Variants in ARHGAP6 observed in about 807,000 individuals in gnomAD.
The protein encoded by ARHGAP6 is rho GTPase-activating protein 6.
In ARHGAP6, 16 loss-of-function variants were observed where a neutral mutation model predicts 55.7. That is an observed-to-expected ratio of 0.29 (90% CI 0.19 to 0.44). ARHGAP6 has a LOEUF of 0.44. Ranked by LOEUF, ARHGAP6 falls within the 20% of genes least tolerant of loss-of-function variation. The pLI is 1.00. For missense variants in ARHGAP6, 698 were observed against 808.9 expected, an observed-to-expected ratio of 0.86 and a Z score of 1.66; for synonymous variants, 382 against 360.9, an observed-to-expected ratio of 1.06 and a Z score of -0.66.
At chrX:11,233,436 G>T (rs1009671554) in intron 2 of ARHGAP6, among the ~76,000 whole-genome samples, 1 of 110,638 alleles carries the variant, frequency 9.0e-6, no homozygotes, top group Non-Finnish European at 1.9e-5. Context: ...CTTCCATCTA[G>T]TATAAAGATA....
chrX:11,291,470 C>T (rs149923681), intron 1 of ARHGAP6, among the ~76,000 whole-genome samples: 629 of 111,055 alleles, frequency 5.7e-3, no homozygotes, highest in Non-Finnish European at 8.2e-3. Context: ...TCTAAAACTA[C>T]AAGGCTACTA....
intron 1 of ARHGAP6, among the ~76,000 whole-genome samples, chrX:11,295,055 G>A (rs750679679): frequency 1.2e-4 from 13 of 111,877 alleles, no homozygotes; most frequent in Middle Eastern, 4.2e-3. Context: ...CAGCTGGGGC[G>A]GGGCCCAGGA....
At chrX:11,377,019 C>T (rs1373583383) in intron 1 of ARHGAP6, among the ~76,000 whole-genome samples, 1 of 111,904 alleles carries the variant, frequency 8.9e-6, no homozygotes, top group Non-Finnish European at 1.9e-5. Context: ...AAGTAATTTG[C>T]CTGGTTCAAT....
At chrX:11,393,797 G>C (rs1350659815) in intron 1 of ARHGAP6, among the ~76,000 whole-genome samples, 2 of 111,512 alleles carry the variant, frequency 1.8e-5, no homozygotes, top group Non-Finnish European at 3.8e-5. Flanking sequence ...CCCAGAGCCT[G>C]AATTCTTATC....
rs1012515988 is a variant in ARHGAP6, at chrX:11,623,001, G to A, written c.588+41240C>T. On this transcript the variant is annotated intron_variant, in intron 1 of 12. Transcript: ENST00000337414. The stretch of plus-strand genomic sequence containing the variant: ...ATAAAATTGCAAAAGATGAGATCTG[G>A]AAAAAGAAGGATGCCCACTTTCACC... Among the ~76,000 whole-genome samples, 3 of 111,575 alleles carry A rather than the reference G, an allele frequency of 2.7e-5. No homozygotes were observed. The Admixed American group carries it at 2.9e-4, about 11-fold the overall frequency.
intron 1 of ARHGAP6, among the ~76,000 whole-genome samples, chrX:11,306,674 TAAAC>T (rs2048241549): frequency 8.9e-6 from 1 of 112,488 alleles, no homozygotes; most frequent in Non-Finnish European, 1.9e-5. Context: ...ATTTGAAAGA[TAAAC>T]TAATTCGTCA....
chrX:11,443,051 CT>C (rs1174906578), intron 1 of ARHGAP6, among the ~76,000 whole-genome samples: 1 of 111,926 alleles, frequency 8.9e-6, no homozygotes, highest in Non-Finnish European at 1.9e-5. Context: ...AGTGAACCCC[CT>C]GTATAACGAC....
At chrX:11,377,076 G>A in intron 1 of ARHGAP6, among the ~76,000 whole-genome samples, 1 of 111,954 alleles carries the variant, frequency 8.9e-6, no homozygotes, top group East Asian at 2.8e-4. Context: ...TCCAGTGTGA[G>A]TCCCATACCT....
At chrX:11,311,056 T>G (rs1262096829) in intron 1 of ARHGAP6, among the ~76,000 whole-genome samples, 1 of 111,932 alleles carries the variant, frequency 8.9e-6, no homozygotes, top group Non-Finnish European at 1.9e-5. Context: ...CTCTGCCTTT[T>G]TCGCAGGGAA....
At chrX:11,339,001 C>T (rs755217128) in intron 1 of ARHGAP6, among the ~76,000 whole-genome samples, 1 of 112,161 alleles carries the variant, frequency 8.9e-6, no homozygotes, top group African/African-American at 3.2e-5. Context: ...AGGCCAACAT[C>T]TCTTAGTCAA....
intron 1 of ARHGAP6, among the ~76,000 whole-genome samples, chrX:11,289,651 G>T (rs369162387): frequency 9.0e-6 from 1 of 111,690 alleles, no homozygotes; most frequent in South Asian, 3.7e-4. Context: ...TGCCATAATC[G>T]ATTTGAACCA....
At chrX:11,579,064 G>A (rs975210963) in intron 1 of ARHGAP6, among the ~76,000 whole-genome samples, 25 of 108,955 alleles carry the variant, frequency 2.3e-4, no homozygotes, top group Non-Finnish European at 4.8e-4. Flanking sequence ...GGGAGGGATA[G>A]CATTAGGAGA....
chrX:11,578,482 A>G (rs970490285), intron 1 of ARHGAP6, among the ~76,000 whole-genome samples: 2 of 112,228 alleles, frequency 1.8e-5, no homozygotes, highest in African/African-American at 6.5e-5. Flanking sequence ...ACAATGAGAT[A>G]CCATCTCATA....
chrX:11,489,653 G>A (rs888579908), intron 1 of ARHGAP6, among the ~76,000 whole-genome samples: 1 of 112,153 alleles, frequency 8.9e-6, no homozygotes, highest in Admixed American at 9.5e-5. Flanking sequence ...GTTTAGGGAA[G>A]TCCAAGATAT....
In ARHGAP6 at chrX:11,141,175, CCAAA is replaced by C. The variant is rs766402966; in HGVS notation, c.2257+1054_2257+1057del. ...GAATATAAATATAAATATAAAACAA[CCAAA>C]CAAATAATTTACACATTTTATACCA... On this transcript the variant is annotated intron_variant, in intron 12 of 12. Coordinates refer to ENST00000337414, the MANE Select transcript of ARHGAP6 (RefSeq NM_013427.3). 2.9e-3 allele frequency among the ~76,000 whole-genome samples: 321 copies of C among 110,952 alleles called. 1 individual carries two copies. The highest frequency in any genetic ancestry group is 0.023 in the South Asian group (60 of 2,663).
chrX:11,152,743 C>T (rs2045801523), intron 10 of ARHGAP6, among the ~76,000 whole-genome samples: 1 of 112,244 alleles, frequency 8.9e-6, no homozygotes. Context: ...TTTTTAATGT[C>T]AAAAATCACC....
At chrX:11,166,717 G>A (rs181113892) in intron 9 of ARHGAP6, among the ~76,000 whole-genome samples, 240 of 112,004 alleles carry the variant, frequency 2.1e-3, no homozygotes, top group Middle Eastern at 4.6e-3. Context: ...CAGTGCTAGG[G>A]CATAGCACCA....
intron 10 of ARHGAP6, among the ~76,000 whole-genome samples, chrX:11,148,430 G>A (rs192686431): frequency 3.4e-4 from 38 of 111,293 alleles, no homozygotes; most frequent in Admixed American, 3.2e-3. Flanking sequence ...AGTGCCTGGT[G>A]GCTTCTCTTT....
chrX:11,485,185 A>G (rs1263670000), intron 1 of ARHGAP6, among the ~76,000 whole-genome samples: 9 of 112,755 alleles, frequency 8.0e-5, no homozygotes, highest in Admixed American at 5.6e-4. Context: ...TAGTGGAGAC[A>G]AAGTGTAAAT....
Sources: allele counts gnomAD v4.1 joint callset (sites outside exome capture counted in the v4.1 genomes callset), GRCh38; gene constraint gnomAD v4.1.1; transcripts MANE v1.5; gene names NCBI Gene and HGNC (gene_info 2026-07-23, HGNC 2026-07-21).